The following COBLL1 variants were observed in gnomAD, a reference collection of about 807,000 sequenced individuals.
COBLL1 encodes the protein cordon-bleu protein-like 1.
A neutral mutation model predicts 94.8 loss-of-function variants in COBLL1; 50 were observed. The ratio of observed to expected loss-of-function variants is 0.53; its 90% CI spans 0.42 to 0.67. The LOEUF (loss-of-function observed/expected upper bound fraction) is 0.67, where lower values mean the gene tolerates loss of function less well. Among genes scored for constraint, COBLL1 ranks in the 30% least tolerant of loss-of-function variants. The pLI, the probability that COBLL1 is intolerant of heterozygous loss-of-function variation, is 0.00. For missense variants in COBLL1, 1,362 were observed against 1,348.7 expected (o/e 1.01, Z -0.15); for synonymous variants, 448 against 473.8 (o/e 0.95, Z 0.71).
chr2:164,677,364 A>G (rs1233024199), downstream of COBLL1, among the ~76,000 whole-genome samples: 2 of 152,194 alleles, frequency 1.3e-5, no homozygotes, highest in African/African-American at 4.8e-5. Context: ...CCTAAGAGTG[A>G]AACTGTTGAG....
intron 13 of COBLL1, among the ~76,000 whole-genome samples, chr2:164,689,660 C>A (rs942687102): frequency 2.0e-5 from 3 of 152,104 alleles, no homozygotes; most frequent in Non-Finnish European, 4.4e-5. Context: ...AGAAAAAATA[C>A]CTCCACGTTC....
intron 2 of COBLL1, among the ~76,000 whole-genome samples, chr2:164,819,805 T>G (rs1212043215): frequency 1.2e-5 from 1 of 86,680 alleles, no homozygotes; most frequent in Non-Finnish European, 2.3e-5. Flanking sequence ...TTTGCCACTG[T>G]TTTTTTTTTG....
At chr2:164,834,741 G>T (rs948291185) in intron 2 of COBLL1, among the ~76,000 whole-genome samples, 7 of 152,190 alleles carry the variant, frequency 4.6e-5, no homozygotes, top group African/African-American at 1.7e-4. Context: ...ATGAGCATGG[G>T]TGGCTGTTTG....
chr2:164,784,080 A>C (rs1688834543), intron 2 of COBLL1, among the ~76,000 whole-genome samples: 1 of 152,196 alleles, frequency 6.6e-6, no homozygotes, highest in Non-Finnish European at 1.5e-5. Flanking sequence ...TCCAGGCAGG[A>C]GAAGCAGCAG....
chr2:164,677,811 T>C (rs956359299), downstream of COBLL1, among the ~76,000 whole-genome samples: 8 of 152,164 alleles, frequency 5.3e-5, no homozygotes, highest in African/African-American at 1.9e-4. Context: ...GAGAGATAAA[T>C]GGATATATGC....
chr2:164,796,744 G>A (rs1185370702), intron 2 of COBLL1, among the ~76,000 whole-genome samples: 2 of 147,096 alleles, frequency 1.4e-5, no homozygotes, highest in Non-Finnish European at 3.0e-5. Context: ...GAAGGTCAAG[G>A]GGGAAGGATT....
intron 2 of COBLL1, among the ~76,000 whole-genome samples, chr2:164,830,761 G>C (rs1056081407): frequency 3.3e-5 from 5 of 152,110 alleles, no homozygotes; most frequent in African/African-American, 1.2e-4. Context: ...ATTTCAAAAT[G>C]ATGTATGGTA....
chr2:164,809,192 C>CTTG (rs1442697172), intron 2 of COBLL1, among the ~76,000 whole-genome samples: 1 of 151,950 alleles, frequency 6.6e-6, no homozygotes, highest in Non-Finnish European at 1.5e-5. Context: ...TGTTCTCGCC[C>CTTG]TTCAATAGAA....
chr2:164,818,765 T>C (rs1229218496), intron 2 of COBLL1, among the ~76,000 whole-genome samples: 2 of 136,536 alleles, frequency 1.5e-5, no homozygotes, highest in African/African-American at 2.9e-5. Flanking sequence ...TGTACTTATG[T>C]AAACATATAT....
intron 1 of COBLL1, among the ~76,000 whole-genome samples, chr2:164,666,261 T>G (rs1691157172): frequency 6.6e-6 from 1 of 152,174 alleles, no homozygotes; most frequent in African/African-American, 2.4e-5. Context: ...ATTTTTTGGT[T>G]GCCCAGTACA....
At chr2:164,679,546 C>A (rs1027413476), downstream of COBLL1, among the ~76,000 whole-genome samples, 3 of 152,038 alleles carry the variant, frequency 2.0e-5, no homozygotes, top group African/African-American at 7.2e-5. Context: ...CCCAGCACCA[C>A]CCTAGGGTGC....
chr2:164,722,294 T>G lies in COBLL1; in HGVS notation c.777A>C (p.Ala259=). The G allele has an allele frequency of 6.2e-7, 1 of 1,613,946 alleles. No individual in the cohort carries two copies. Among genetic ancestry groups the G allele is most frequent in the South Asian group, 1.1e-5 (1 of 91,068 alleles). The change falls in exon 7 of 14, where the codon GCA becomes GCC. Residue 259 remains alanine (A), a synonymous_variant. Transcript: ENST00000652658. ...KKRDQTASAP[A]TPLVNKHRPT... ...GGCGGTGCTTATTTACTAGAGGGGT[T>G]GCAGGGGCACTTGCAGTCTAGTAAA...
chr2:164,757,371 T>C (rs1450815052), intron 2 of COBLL1, among the ~76,000 whole-genome samples: 1 of 152,184 alleles, frequency 6.6e-6, no homozygotes, highest in African/African-American at 2.4e-5. Context: ...AAACATATCT[T>C]AAAAGTAGTC....
chr2:164,801,502 G>GTCCTAGCT (rs1282208195), intron 2 of COBLL1, among the ~76,000 whole-genome samples: 1 of 139,914 alleles, frequency 7.1e-6, no homozygotes, highest in Admixed American at 7.4e-5. Flanking sequence ...CACACCTGTA[G>GTCCTAGCT]TCCTAGCTTC....
chr2:164,663,854 T>C (rs1223079982), intron 2 of COBLL1, among the ~76,000 whole-genome samples: 1 of 152,202 alleles, frequency 6.6e-6, no homozygotes, highest in African/African-American at 2.4e-5. Flanking sequence ...CTATGTTCAC[T>C]ATTTGTGTGA....
At chr2:164,808,363 T>C (rs1029744683) in intron 2 of COBLL1, among the ~76,000 whole-genome samples, 1 of 152,192 alleles carries the variant, frequency 6.6e-6, no homozygotes, top group Non-Finnish European at 1.5e-5. Context: ...GAGGCCCTCA[T>C]GGTAAGGTTT....
At chr2:164,686,144 G>A (rs1683272909) in intron 13 of COBLL1, 112 bp from the exon 14 acceptor site, 2 of 517,696 alleles carry the variant, frequency 3.9e-6, no homozygotes, top group Non-Finnish European at 6.9e-6. Context: ...TAAATGATAA[G>A]TATCTATTAT....
intron 2 of COBLL1, among the ~76,000 whole-genome samples, chr2:164,803,292 G>A (rs1338311712): frequency 6.6e-6 from 1 of 152,092 alleles, no homozygotes; most frequent in Non-Finnish European, 1.5e-5. Context: ...TTGGCCGGGC[G>A]CGGTGGCTCA....
chr2:164,672,467 G>A, intron 1 of COBLL1, among the ~76,000 whole-genome samples: 1 of 151,978 alleles, frequency 6.6e-6, no homozygotes, highest in East Asian at 1.9e-4. Flanking sequence ...GGGAGGCCGA[G>A]GCGGGTGGAT....
Sources: allele counts gnomAD v4.1 joint callset (sites outside exome capture counted in the v4.1 genomes callset), GRCh38; gene constraint gnomAD v4.1.1; transcripts MANE v1.5; gene names NCBI Gene and HGNC (gene_info 2026-07-23, HGNC 2026-07-21).